The following UBQLN1 variants were observed in gnomAD, a reference collection of about 807,000 sequenced individuals.
UBQLN1 encodes ubiquilin 1.
UBQLN1 carries 13 observed loss-of-function variants against 65.4 expected under a neutral mutation model. The ratio of observed to expected loss-of-function variants is 0.20; its 90% confidence interval spans 0.13 to 0.32. The LOEUF (loss-of-function observed/expected upper bound fraction) is 0.32. Among genes scored for constraint, UBQLN1 ranks in the 10% least tolerant of loss-of-function variants. UBQLN1 has a pLI of 1.00. For missense variants in UBQLN1, 561 were observed against 724.0 expected (o/e 0.77, Z 2.58); for synonymous variants, 267 against 247.8 (o/e 1.08, Z -0.73).
intron 1 of UBQLN1, among the ~76,000 whole-genome samples, chr9:83,692,730 T>C (rs1356850944): frequency 2.0e-5 from 3 of 152,078 alleles, no homozygotes; most frequent in Non-Finnish European, 4.4e-5. Context: ...CAAATGCCTG[T>C]AATCCCAGCT....
At chr9:83,692,848 G>A (rs1450248532) in intron 1 of UBQLN1, among the ~76,000 whole-genome samples, 2 of 152,058 alleles carry the variant, frequency 1.3e-5, no homozygotes, top group African/African-American at 2.4e-5. Flanking sequence ...GCGGAACTCC[G>A]TTTTAAAAAT....
rs888941315 is a variant in UBQLN1, at chr9:83,660,005, T to C, written c.*1782A>G. ...AGATTTATTGTTATTTTATGATTAA[T>C]AAATTGTCAAATTAGTTATGACACT... On this transcript the variant is annotated 3_prime_UTR_variant, in exon 11 of 11. Coordinates refer to ENST00000376395, the MANE Select transcript of UBQLN1 (RefSeq NM_013438.5). 6.6e-6 allele frequency: 1 copy of C among 152,238 alleles called. No homozygotes were observed. The highest frequency in any genetic ancestry group is 2.4e-5 in the African/African-American group (1 of 41,446). The allele number at this position is 152,238 out of a possible 1,614,324, so 9.4% of individuals were successfully genotyped here.
rs888543526 is a variant in UBQLN1, at chr9:83,661,177, C to A, written c.*610G>T. The A allele has an allele frequency of 7.9e-5, 12 of 152,394 alleles. No homozygotes were observed. The highest frequency in any genetic ancestry group is 3.9e-4 in the Admixed American group (6 of 15,284). The allele number at this position is 152,394 out of a possible 1,614,324, so 9.4% of individuals were successfully genotyped here. A position where few individuals can be genotyped will look rare whatever the true frequency, so the allele number is the denominator to read the frequency against. ...TGTTTGTCAAAGATGCTGTAAGATT[C>A]TATACAATTAGGAAATACTCAGCTT... is the stretch of plus-strand genomic sequence containing the variant. On this transcript the variant is annotated 3_prime_UTR_variant, in exon 11 of 11. Transcript: ENST00000376395.
chr9:83,672,748 G>GA (rs1352933005), intron 6 of UBQLN1, among the ~76,000 whole-genome samples: 3 of 152,166 alleles, frequency 2.0e-5, no homozygotes, highest in Non-Finnish European at 4.4e-5. Flanking sequence ...CATGCTGTTG[G>GA]AAAAATGGTA....
chr9:83,672,643 G>A (rs1376026546), intron 6 of UBQLN1, among the ~76,000 whole-genome samples: 1 of 152,130 alleles, frequency 6.6e-6, no homozygotes, highest in African/African-American at 2.4e-5. Context: ...TAACATCAAA[G>A]ATCACTGATT....
At position 83,660,781 on chromosome 9, in the gene UBQLN1, T is replaced by C. The variant is rs1425890861; in HGVS notation, c.*1006A>G. On this transcript the variant is annotated 3_prime_UTR_variant, in exon 11 of 11. Transcript: ENST00000376395. ...ATTGGCTCACAACTCATTTTAAATT[T>C]GTGTATTGCCTGTGCATGAGAAAAC... 1 of 152,474 alleles carries C rather than the reference T, an allele frequency of 6.6e-6. No homozygotes were observed. Among genetic ancestry groups the C allele is most frequent in the Non-Finnish European group, 1.5e-5 (1 of 68,020 alleles). The allele number at this position is 152,474 out of a possible 1,614,324, so 9.4% of individuals were successfully genotyped here.
intron 6 of UBQLN1, among the ~76,000 whole-genome samples, chr9:83,677,501 G>A (rs1031395979): frequency 1.3e-5 from 2 of 152,212 alleles, no homozygotes; most frequent in African/African-American, 4.8e-5. Flanking sequence ...GGAAGAGGTT[G>A]CGGTGAGCTG....
Position 83,669,304 on chromosome 9 carries a change from T to C in UBQLN1, c.1129A>G (p.Met377Val), listed in dbSNP as rs200350698. ...GTTATTTGTTGCAACAAGCTCTGCA[T>C]TCCTGGTGTGTTGAACATACTAGCT... ...VGASMFNTPG[M>V]QSLLQQITEN... Residue 377 changes from methionine to valine, a missense_variant, in exon 7 of 11, where the codon ATG becomes GTG. Transcript: ENST00000376395. 1.2e-6 allele frequency: 2 copies of C among 1,609,022 alleles called. No homozygotes were observed. The highest frequency in any genetic ancestry group is 2.2e-5 in the East Asian group (1 of 44,760).
Position 83,675,436 on chromosome 9 carries a change from T to C in UBQLN1, c.1105+2291A>G, listed in dbSNP as rs75250712. 8.3e-3 allele frequency among the ~76,000 whole-genome samples: 1,251 copies of C among 151,502 alleles called. 34 individuals carry two copies. The highest frequency in any genetic ancestry group is 0.046 in the East Asian group (238 of 5,164). ...CTAAAATTGTTTGAATCACAAGCAA[T>C]GTCAAGGTGCTTTACAGACTTCCTA... On this transcript the variant is annotated intron_variant, in intron 6 of 10. Coordinates refer to ENST00000376395, the MANE Select transcript of UBQLN1 (RefSeq NM_013438.5).
chr9:83,699,729 C>T (rs1294308606), intron 1 of UBQLN1, among the ~76,000 whole-genome samples: 2 of 152,118 alleles, frequency 1.3e-5, no homozygotes, highest in Non-Finnish European at 2.9e-5. Context: ...TAACAGGAAG[C>T]CCTAATACCA....
rs748881679 is a variant in UBQLN1 at position 83,683,022 on chromosome 9, T to C, written c.377A>G (p.Asn126Ser). 2.5e-6 allele frequency: 4 copies of C among 1,612,346 alleles called. No individual in the cohort carries two copies. Among genetic ancestry groups the C allele is most frequent in the East Asian group, 4.5e-5 (2 of 44,874 alleles). ...ATTAGGAGTTGATGATGTAGTAACA[T>C]TGCTTCCAGCTGTATTTGTTTGCTG... ...SAQQTNTAGS[N>S]VTTSSTPNSN... The change falls in exon 3 of 11, where the codon AAT (asparagine) becomes AGT (serine). Residue 126 changes from asparagine to serine, a missense_variant. Around this residue, in one of 8 missense-constraint regions of UBQLN1, gnomAD observed 87 missense variants for 88.8 expected, o/e 0.98. Coordinates refer to ENST00000376395, the MANE Select transcript of UBQLN1 (RefSeq NM_013438.5).
At chr9:83,678,743 G>C (rs1350371231) in intron 4 of UBQLN1, 144 bp from the exon 5 acceptor site, 2 of 888,616 alleles carry the variant, frequency 2.3e-6, no homozygotes, top group Non-Finnish European at 3.4e-6. Context: ...TTGAGACGGA[G>C]TCTTGCTTTG....
intron 5 of UBQLN1, 60 bp from the exon 6 acceptor site, chr9:83,678,021 A>T (rs998680316): frequency 8.1e-7 from 1 of 1,229,226 alleles, no homozygotes; most frequent in Non-Finnish European, 1.1e-6. Context: ...TAAGATATGA[A>T]ACTTTTTTTT....
chr9:83,679,709 C>T (rs1831908614), intron 4 of UBQLN1, 66 bp downstream of exon 4: 1 of 1,533,604 alleles, frequency 6.5e-7, no homozygotes. Context: ...TCTCATTAAC[C>T]ACAGAAAATT....
chr9:83,695,220 A>G, intron 1 of UBQLN1, among the ~76,000 whole-genome samples: 1 of 133,506 alleles, frequency 7.5e-6, no homozygotes, highest in African/African-American at 2.8e-5. Context: ...TTTTTTTGAG[A>G]CTAAGTCTCA....
intron 6 of UBQLN1, among the ~76,000 whole-genome samples, chr9:83,677,400 T>C (rs866474600): frequency 2.0e-5 from 3 of 152,052 alleles, no homozygotes; most frequent in Non-Finnish European, 2.9e-5. Flanking sequence ...CTGTCTCTAC[T>C]AAAAATACAA....
At position 83,669,303 on chromosome 9, in the gene UBQLN1, A is replaced by G. The variant is rs1831693608; in HGVS notation, c.1130T>C (p.Met377Thr). ...AGTTATTTGTTGCAACAAGCTCTGC[A>G]TTCCTGGTGTGTTGAACATACTAGC... ...VGASMFNTPG[M>T]QSLLQQITEN... The change falls in exon 7 of 11, where the codon ATG (methionine) becomes ACG (threonine). Residue 377 changes from methionine (M) to threonine (T), a missense_variant. Transcript: ENST00000376395. 6.2e-7 allele frequency: 1 copy of G among 1,609,026 alleles called. No individual in the cohort carries two copies. The highest frequency in any genetic ancestry group is 1.3e-5 in the African/African-American group (1 of 74,568).
intron 1 of UBQLN1, among the ~76,000 whole-genome samples, chr9:83,699,550 T>G (rs557177468): frequency 5.3e-5 from 8 of 152,286 alleles, no homozygotes; most frequent in African/African-American, 1.9e-4. Flanking sequence ...GGGGCTGCAG[T>G]GAGCCATGAT....
At chr9:83,690,892 C>G (rs1246503498) in intron 1 of UBQLN1, among the ~76,000 whole-genome samples, 2 of 152,198 alleles carry the variant, frequency 1.3e-5, no homozygotes, top group Non-Finnish European at 2.9e-5. Flanking sequence ...AATCCCAACA[C>G]TTTGGGAGGC....
Sources: gnomAD v4.1 joint callset for allele counts (sites outside exome capture counted in the v4.1 genomes callset) on GRCh38, gnomAD v4.1.1 for gene constraint, gnomAD v4.1.1 regional missense constraint, MANE v1.5 for transcripts, NCBI Gene and HGNC (gene_info 2026-07-23, HGNC 2026-07-21) for gene names.